The following DDX4 variants were observed in gnomAD, a reference collection of about 807,000 sequenced individuals.
DDX4 encodes the protein probable ATP-dependent RNA helicase DDX4.
In DDX4, 25 loss-of-function variants were observed where a neutral mutation model predicts 100.0. The observed-to-expected ratio is 0.25, with a 90% CI of 0.18 to 0.35. The LOEUF (loss-of-function observed/expected upper bound fraction) is 0.35. Among genes scored for constraint, DDX4 ranks in the 10% least tolerant of loss-of-function variants. DDX4 has a pLI of 1.00. For missense variants in DDX4, 635 were observed against 882.4 expected (o/e 0.72, Z 3.55); for synonymous variants, 259 against 275.7 (o/e 0.94, Z 0.60).
At chr5:55,776,039 G>A (rs897136930) in intron 7 of DDX4, among the ~76,000 whole-genome samples, 2 of 152,138 alleles carry the variant, frequency 1.3e-5, no homozygotes, top group African/African-American at 2.4e-5. Flanking sequence ...AGAATCACTT[G>A]AACCCAGGAG....
At chr5:55,793,557 C>G (rs548646367) in intron 17 of DDX4, among the ~76,000 whole-genome samples, 1 of 152,146 alleles carries the variant, frequency 6.6e-6, no homozygotes, top group Non-Finnish European at 1.5e-5. Flanking sequence ...AGTGGAACTG[C>G]GTTCTCTTTG....
Position 55,796,823 on chromosome 5 carries a change from C to CTTTTTTTTTTTTTTTTTTTTTTT in DDX4, c.1470-1591_1470-1569dup, listed in dbSNP as rs3990072. On this transcript the variant is annotated intron_variant, in intron 17 of 21. Coordinates refer to ENST00000505374, the MANE Select transcript of DDX4 (RefSeq NM_024415.3). Reference sequence around the variant, plus strand: ...TTTTCTTTTCTTTTTTTCTTTCTTTCTTTTTTTTTTTTTTTTTTTTTTTTT... The same window carrying CTTTTTTTTTTTTTTTTTTTTTTT: ...TTTTCTTTTCTTTTTTTCTTTCTTTCTTTTTTTTTTTTTTTTTTTTTTTTTTTTTTTTTTTTTTTTTTTTTTTT... Among the ~76,000 whole-genome samples, 100 of 59,938 alleles carry CTTTTTTTTTTTTTTTTTTTTTTT rather than the reference C, an allele frequency of 1.7e-3. 16 individuals are homozygous for CTTTTTTTTTTTTTTTTTTTTTTT. Among genetic ancestry groups the CTTTTTTTTTTTTTTTTTTTTTTT allele is most frequent in the South Asian group, 2.7e-3 (3 of 1,118 alleles). 39.3% of individuals were successfully genotyped at this position (59,938 alleles called of 152,430 possible). A position where few individuals can be genotyped will look rare whatever the true frequency, so the allele number is the denominator to read the frequency against.
intron 9 of DDX4, 68 bp downstream of exon 9, chr5:55,781,214 C>G: frequency 1.6e-6 from 2 of 1,264,656 alleles, no homozygotes; most frequent in Non-Finnish European, 2.2e-6. Flanking sequence ...GATTAGTAAA[C>G]CTAATATATA....
chr5:55,779,193 T>C (rs1472960835), intron 7 of DDX4, among the ~76,000 whole-genome samples: 1 of 152,248 alleles, frequency 6.6e-6, no homozygotes, highest in Non-Finnish European at 1.5e-5. Context: ...TGTGTTCTTT[T>C]ACTTTCATGA....
chr5:55,759,836 TTCCCTGTG>T lies in DDX4; in HGVS notation c.128-360_128-353del, dbSNP rs1436168853. On this transcript the variant is annotated intron_variant, in intron 3 of 21. Transcript: ENST00000505374. The stretch of plus-strand genomic sequence containing the variant: ...AATACAGTGTATGTTTCGTGCCTGT[TTCCCTGTG>T]TCCTTGTTCTGGCTATTAGCAAATT... Among the ~76,000 whole-genome samples the T allele has an allele frequency of 2.4e-4, 36 of 152,318 alleles. No homozygotes were observed. The East Asian group carries it at 6.7e-3, about 29-fold the overall frequency.
rs186442860 is a variant in DDX4 at position 55,762,153 on chromosome 5, C to T, written c.206-1022C>T. Reference sequence around the variant, plus strand: ...TACACAGATCCCTTTTAACTCCCCTCTACAAGGGTTTTACAGAGGTAAGTA... The same window carrying T: ...TACACAGATCCCTTTTAACTCCCCTTTACAAGGGTTTTACAGAGGTAAGTA... On this transcript the variant is annotated intron_variant, in intron 4 of 21. Coordinates refer to ENST00000505374, the MANE Select transcript of DDX4 (RefSeq NM_024415.3). Among the ~76,000 whole-genome samples, 7 of 152,262 alleles carry T rather than the reference C, an allele frequency of 4.6e-5. No individual in the cohort carries two copies. In the East Asian group the frequency reaches 1.4e-3, roughly 29 times the overall value.
intron 17 of DDX4, among the ~76,000 whole-genome samples, chr5:55,793,812 C>A (rs1003525356): frequency 7.9e-5 from 12 of 152,324 alleles, no homozygotes; most frequent in African/African-American, 2.9e-4. Context: ...GTTTTTTCTG[C>A]AGACAGTTCC....
At chr5:55,745,349 A>G (rs1021802741) in intron 2 of DDX4, among the ~76,000 whole-genome samples, 6 of 152,190 alleles carry the variant, frequency 3.9e-5, no homozygotes, top group African/African-American at 9.7e-5. Flanking sequence ...TTGGCATACA[A>G]TAGTGTGTAT....
chr5:55,786,737 G>A (rs1266193894), intron 14 of DDX4, 67 bp downstream of exon 14: 7 of 1,338,500 alleles, frequency 5.2e-6, no homozygotes, highest in African/African-American at 1.5e-5. Context: ...TAGTAACTTG[G>A]TTTCTTCTTT....
intron 2 of DDX4, among the ~76,000 whole-genome samples, 155 bp downstream of exon 2, chr5:55,739,187 C>T (rs1202185344): frequency 6.6e-6 from 1 of 152,072 alleles, no homozygotes; most frequent in Non-Finnish European, 1.5e-5. Flanking sequence ...ACAACCTAAG[C>T]CTCGTATAGG....
chr5:55,780,627 A>G (rs1741850756), intron 8 of DDX4, among the ~76,000 whole-genome samples: 1 of 152,234 alleles, frequency 6.6e-6, no homozygotes, highest in South Asian at 2.1e-4. Context: ...AAGGGTTACC[A>G]TGCAGGACTG....
chr5:55,746,191 A>G lies in DDX4; in HGVS notation c.97A>G (p.Asn33Asp), dbSNP rs1424701523. ...KDRYSGENGD[N>D]FNRTPASSSE... ...TAGGTATTCTGGAGAAAATGGAGAC[A>G]ATTTTAACAGGACTCCAGCTTCATC... The change falls in exon 3 of 22, where the codon AAT (asparagine) becomes GAT (aspartate). Residue 33 changes from asparagine to aspartate, a missense_variant. Around this residue, in one of 4 missense-constraint regions of DDX4, gnomAD observed 446 missense variants for 540.8 expected, o/e 0.82. Coordinates refer to ENST00000505374, the MANE Select transcript of DDX4 (RefSeq NM_024415.3). The G allele has an allele frequency of 9.3e-6, 15 of 1,612,600 alleles. No homozygotes were observed. The highest frequency in any genetic ancestry group is 1.3e-5 in the Non-Finnish European group (15 of 1,179,550).
chr5:55,740,486 T>A (rs895575287), intron 2 of DDX4, among the ~76,000 whole-genome samples: 1 of 151,386 alleles, frequency 6.6e-6, no homozygotes, highest in African/African-American at 2.4e-5. Context: ...TTATATAGTT[T>A]TGATGATAGT....
In DDX4 at chr5:55,760,908, C is replaced by T. The variant is rs184788896; in HGVS notation, c.205+631C>T. On this transcript the variant is annotated intron_variant, in intron 4 of 21. Coordinates refer to ENST00000505374, the MANE Select transcript of DDX4 (RefSeq NM_024415.3). ...GGTTAAATTTATTTGAAAATCCATA[C>T]GGTCATTTTTTTATCTTTTAGGGGA... Among the ~76,000 whole-genome samples, 153 of 152,154 alleles carry T rather than the reference C, an allele frequency of 1.0e-3. No individual in the cohort carries two copies. In the Middle Eastern group the frequency reaches 0.01, roughly 10 times the overall value.
chr5:55,814,487 T>C (rs1248689457), intron 19 of DDX4, among the ~76,000 whole-genome samples: 2 of 149,598 alleles, frequency 1.3e-5, no homozygotes, highest in Non-Finnish European at 2.9e-5. Context: ...TGAACATTAA[T>C]GTTAAATGCT....
intron 7 of DDX4, chr5:55,773,038 A>G (rs1019444888): frequency 1.3e-5 from 2 of 152,250 alleles, no homozygotes; most frequent in Non-Finnish European, 1.5e-5. Flanking sequence ...ACAAAATGCT[A>G]TAAACTGGGT....
At chr5:55,772,241 G>A (rs1741299735) in intron 7 of DDX4, among the ~76,000 whole-genome samples, 1 of 152,100 alleles carries the variant, frequency 6.6e-6, no homozygotes, top group Admixed American at 6.5e-5. Context: ...CATTAATCTG[G>A]AGTTTATTTT....
chr5:55,788,211 A>G (rs1742354621), intron 15 of DDX4, among the ~76,000 whole-genome samples: 1 of 152,200 alleles, frequency 6.6e-6, no homozygotes, highest in Non-Finnish European at 1.5e-5. Context: ...TTGGTGGCTC[A>G]TGACTATAAT....
rs755947502 is a variant in DDX4 at position 55,739,061 on chromosome 5, AT to A, written c.69+30del. 6.7e-5 allele frequency: 88 copies of A among 1,311,574 alleles called. No homozygotes were observed. The African/African-American group carries it at 1.2e-3, about 18-fold the overall frequency. The allele number at this position is 1,311,574 out of a possible 1,614,324, so 81.2% of individuals were successfully genotyped here. A position where few individuals can be genotyped will look rare whatever the true frequency, so the allele number is the denominator to read the frequency against. The stretch of plus-strand genomic sequence containing the variant: ...ATAACATTTAAAGTTTAGTTATTAA[AT>A]GCTACGGATTTTATCAAAGTTGAAA... On this transcript the variant is annotated intron_variant, in intron 2 of 21. Transcript: ENST00000505374.
Sources: gnomAD v4.1 joint callset for allele counts (sites outside exome capture counted in the v4.1 genomes callset) on GRCh38, gnomAD v4.1.1 for gene constraint, gnomAD v4.1.1 regional missense constraint, MANE v1.5 for transcripts, NCBI Gene and HGNC (gene_info 2026-07-23, HGNC 2026-07-21) for gene names.